The following EDA variants were observed in gnomAD, a reference collection of about 807,000 sequenced individuals.
EDA encodes ectodysplasin A, also known as ectodysplasin-A.
EDA carries 2 observed loss-of-function variants against 23.6 expected under a neutral mutation model. The ratio of observed to expected loss-of-function variants is 0.08; its 90% CI spans 0.03 to 0.27. The LOEUF is 0.27. Among genes scored for constraint, EDA ranks in the 10% least tolerant of loss-of-function variants. EDA has a pLI of 1.00. For missense variants in EDA, 229 were observed against 324.2 expected (o/e 0.71, Z 2.26); for synonymous variants, 131 against 132.0 (o/e 0.99, Z 0.05).
intron 1 of EDA, among the ~76,000 whole-genome samples, chrX:69,782,382 A>AAAAC (rs2014976715): frequency 9.4e-6 from 1 of 106,494 alleles, no homozygotes; most frequent in African/African-American, 3.5e-5. Flanking sequence ...AAAAAAAAAA[A>AAAAC]AAAAAAAAAA....
intron 1 of EDA, among the ~76,000 whole-genome samples, chrX:69,911,695 A>G (rs1189120474): frequency 8.9e-6 from 1 of 112,331 alleles, no homozygotes; most frequent in African/African-American, 3.2e-5. Flanking sequence ...ACATGATACT[A>G]TAGTCTGTTA....
intron 1 of EDA, among the ~76,000 whole-genome samples, chrX:69,785,218 T>A (rs377537537): frequency 3.1e-5 from 3 of 95,398 alleles, no homozygotes; most frequent in Non-Finnish European, 4.3e-5. Context: ...TTTCTAGATA[T>A]ACAATCATGT....
At chrX:69,816,385 A>G (rs2016083009) in intron 1 of EDA, among the ~76,000 whole-genome samples, 1 of 111,641 alleles carries the variant, frequency 9.0e-6, no homozygotes, top group African/African-American at 3.3e-5. Context: ...AAGCTAGGTA[A>G]TAATGAACTT....
intron 1 of EDA, among the ~76,000 whole-genome samples, chrX:69,784,105 G>A (rs12393242): frequency 1.0e-5 from 1 of 98,578 alleles, no homozygotes; most frequent in African/African-American, 3.6e-5. Flanking sequence ...AGAAGTGTCT[G>A]TTCATGTCCT....
At chrX:69,695,054 T>A (rs191514412) in intron 1 of EDA, among the ~76,000 whole-genome samples, 259 of 112,291 alleles carry the variant, frequency 2.3e-3, no homozygotes, top group Non-Finnish European at 2.6e-3. Flanking sequence ...GCATGGTGGC[T>A]CATGCCTGTA....
chrX:69,877,531 T>G (rs1285070824), intron 1 of EDA, among the ~76,000 whole-genome samples: 7 of 112,096 alleles, frequency 6.2e-5, no homozygotes, highest in African/African-American at 1.9e-4. Flanking sequence ...CTTTTTTTTG[T>G]TTTTTTATTA....
intron 1 of EDA, among the ~76,000 whole-genome samples, chrX:69,681,966 G>A (rs1027919157): frequency 7.4e-4 from 81 of 109,523 alleles, no homozygotes; most frequent in African/African-American, 2.6e-3. Context: ...TCTACTTTTG[G>A]TCTTTGATGA....
intron 1 of EDA, among the ~76,000 whole-genome samples, chrX:69,876,862 A>G (rs2017653679): frequency 8.9e-6 from 1 of 112,842 alleles, no homozygotes; most frequent in African/African-American, 3.2e-5. Context: ...GATTGTTTCC[A>G]GTTTTTATGA....
chrX:69,811,567 A>C (rs1427001926), intron 1 of EDA, among the ~76,000 whole-genome samples: 1 of 111,623 alleles, frequency 9.0e-6, no homozygotes, highest in Admixed American at 9.5e-5. Flanking sequence ...AAAGACCCCT[A>C]GGTAGTGATG....
intron 1 of EDA, among the ~76,000 whole-genome samples, chrX:69,758,560 G>A (rs764327682): frequency 8.9e-6 from 1 of 112,692 alleles, no homozygotes; most frequent in Admixed American, 9.3e-5. Flanking sequence ...AAGGCCAGGC[G>A]TGGTGGCTCA....
intron 1 of EDA, among the ~76,000 whole-genome samples, chrX:69,873,554 T>C (rs1187328552): frequency 8.9e-6 from 1 of 112,095 alleles, no homozygotes; most frequent in African/African-American, 3.2e-5. Flanking sequence ...AGAAATGAAA[T>C]GGGAAATATT....
At chrX:69,958,218 G>A (rs1342874890) in intron 2 of EDA, among the ~76,000 whole-genome samples, 1 of 112,357 alleles carries the variant, frequency 8.9e-6, no homozygotes, top group African/African-American at 3.2e-5. Context: ...ACAGGGGTTT[G>A]TAGAATACAT....
At chrX:69,787,787 A>G (rs867957979) in intron 1 of EDA, among the ~76,000 whole-genome samples, 1 of 109,993 alleles carries the variant, frequency 9.1e-6, no homozygotes, top group Admixed American at 9.7e-5. Context: ...TGCTCTTCTC[A>G]AGGAGTATCT....
At position 69,750,634 on chromosome X, in the gene EDA, T is replaced by C. The variant is rs187329131; in HGVS notation, c.396+133930T>C. ...CAATGGTTGAACTAGTTTACAGTCC[T>C]ACCAACAGTGTAAGAGTGTTCCTAT... is the stretch of plus-strand genomic sequence containing the variant. On this transcript the variant is annotated intron_variant, in intron 1 of 7. Transcript: ENST00000374552. Among the ~76,000 whole-genome samples, 3 of 111,501 alleles carry C rather than the reference T, an allele frequency of 2.7e-5. No homozygotes were observed. In the East Asian group the frequency reaches 8.6e-4, roughly 32 times the overall value.
At chrX:69,763,933 A>T (rs938449593) in intron 1 of EDA, among the ~76,000 whole-genome samples, 1 of 111,587 alleles carries the variant, frequency 9.0e-6, no homozygotes, top group Non-Finnish European at 1.9e-5. Flanking sequence ...AGAAAACCAG[A>T]CTAGCGTTGA....
At chrX:69,720,312 T>TA (rs2012532680) in intron 1 of EDA, among the ~76,000 whole-genome samples, 1 of 112,206 alleles carries the variant, frequency 8.9e-6, no homozygotes, top group Admixed American at 9.5e-5. Flanking sequence ...TTTTATTTTT[T>TA]AGATTTCAAA....
intron 1 of EDA, among the ~76,000 whole-genome samples, chrX:69,900,279 A>G (rs2018078671): frequency 9.2e-6 from 1 of 108,927 alleles, no homozygotes; most frequent in Non-Finnish European, 1.9e-5. Context: ...CCTTGGACAA[A>G]TTACTTTGAC....
intron 1 of EDA, among the ~76,000 whole-genome samples, chrX:69,741,374 T>C (rs2013455925): frequency 9.0e-6 from 1 of 111,519 alleles, no homozygotes; most frequent in African/African-American, 3.3e-5. Context: ...TATTGTTTGC[T>C]AGTTGTTTAG....
intron 1 of EDA, among the ~76,000 whole-genome samples, chrX:69,794,402 G>A (rs1270579571): frequency 1.8e-5 from 2 of 111,581 alleles, no homozygotes; most frequent in Non-Finnish European, 3.8e-5. Flanking sequence ...TTAGACCCAC[G>A]AGAAGTTTCA....
Sources: allele counts gnomAD v4.1 joint callset (sites outside exome capture counted in the v4.1 genomes callset), GRCh38; gene constraint gnomAD v4.1.1; transcripts MANE v1.5; gene names NCBI Gene and HGNC (gene_info 2026-07-23, HGNC 2026-07-21).